Variants in PCMT1 observed in about 807,000 individuals in gnomAD.
PCMT1 encodes protein-L-isoaspartate(D-aspartate) O-methyltransferase.
PCMT1 carries 9 observed loss-of-function variants against 29.2 expected under a neutral mutation model. That is an observed-to-expected ratio of 0.31 (90% CI 0.19 to 0.54). The LOEUF is 0.54. PCMT1 is among the 20% of genes least tolerant of loss of function. PCMT1 has a pLI of 0.95. For missense variants in PCMT1, 184 were observed against 282.2 expected, an observed-to-expected ratio of 0.65 and a Z score of 2.49; for synonymous variants, 98 against 97.5, an observed-to-expected ratio of 1.00 and a Z score of -0.03.
At chr6:149,756,282 T>TC (rs201416855) in intron 1 of PCMT1, among the ~76,000 whole-genome samples, 47 of 92,398 alleles carry the variant, frequency 5.1e-4, no homozygotes, top group Admixed American at 2.4e-4. Context: ...AATGAAATTA[T>TC]TTTCTATCTA....
intron 3 of PCMT1, 24 bp from the exon 4 acceptor site, chr6:149,789,930 G>A (rs1466569273): frequency 2.0e-6 from 3 of 1,501,332 alleles, no homozygotes; most frequent in East Asian, 2.3e-5. Context: ...TAGTCTTAAT[G>A]AATATTTTGT....
chr6:149,749,705 A>G, upstream of PCMT1: 1 of 1,510,998 alleles, frequency 6.6e-7, no homozygotes, highest in Non-Finnish European at 8.9e-7. Flanking sequence ...GCGGCGTCAC[A>G]GAGCGCATGC....
rs1478276266 is a variant in PCMT1, at chr6:149,805,420, C to T, written c.*37+3004C>T. On this transcript the variant is annotated intron_variant, in intron 7 of 7. Transcript: ENST00000464889. ...CATCCTGGGTAACATGGCGAAACCCCGTCTCTCCTAAAAATACAAAAAAAT... is the reference window on the plus strand; with the variant it reads ...CATCCTGGGTAACATGGCGAAACCCTGTCTCTCCTAAAAATACAAAAAAAT... Among the ~76,000 whole-genome samples the T allele has an allele frequency of 2.7e-5, 4 of 150,498 alleles. No homozygotes were observed. The East Asian group carries it at 7.9e-4, about 30-fold the overall frequency.
intron 7 of PCMT1, among the ~76,000 whole-genome samples, chr6:149,803,066 A>AC (rs1218163093): frequency 6.6e-6 from 1 of 150,486 alleles, no homozygotes; most frequent in Non-Finnish European, 1.5e-5. Context: ...AAAAAAAAAA[A>AC]AAAAAAAAAA....
intron 1 of PCMT1, among the ~76,000 whole-genome samples, chr6:149,765,229 G>C (rs1366307694): frequency 6.7e-6 from 1 of 148,936 alleles, no homozygotes; most frequent in Non-Finnish European, 1.5e-5. Flanking sequence ...GTGTGGTGGC[G>C]GGTGCCTGTA....
intron 3 of PCMT1, among the ~76,000 whole-genome samples, chr6:149,780,851 G>A (rs752694407): frequency 1.3e-5 from 2 of 151,920 alleles, no homozygotes; most frequent in Admixed American, 6.6e-5. Flanking sequence ...CATTTCTCTC[G>A]AGTATTTACC....
intron 6 of PCMT1, 200 bp downstream of exon 6, chr6:149,796,700 T>C (rs919901552): frequency 3.1e-5 from 14 of 446,736 alleles, no homozygotes; most frequent in African/African-American, 2.4e-4. Context: ...AAACCCCAGT[T>C]TGTGGCGCTC....
intron 4 of PCMT1, among the ~76,000 whole-genome samples, chr6:149,791,479 C>T (rs1180605760): frequency 6.6e-6 from 1 of 152,094 alleles, no homozygotes; most frequent in African/African-American, 2.4e-5. Flanking sequence ...AAATATCGTG[C>T]CTGGAGGACA....
intron 6 of PCMT1, among the ~76,000 whole-genome samples, chr6:149,800,526 T>C (rs372375357): frequency 6.6e-6 from 1 of 152,104 alleles, no homozygotes; most frequent in East Asian, 1.9e-4. Flanking sequence ...GAGTAAGGTT[T>C]CTTCTTTAAT....
chr6:149,780,781 T>C (rs1486359968), intron 3 of PCMT1, among the ~76,000 whole-genome samples: 1 of 152,220 alleles, frequency 6.6e-6, no homozygotes, highest in East Asian at 1.9e-4. Context: ...TTGTTTCCAG[T>C]GTTTGGCTAT....
Position 149,790,063 on chromosome 6 carries a change from G to T in PCMT1, c.297+5G>T. ...ACTGCATGTTTTGCACGTATGGTAA[G>T]AGTTTTATTTCTCACTCTGGCCCCA... On this transcript the variant is annotated splice_donor_5th_base_variant and intron_variant, in intron 4 of 7. Coordinates refer to ENST00000464889, the MANE Select transcript of PCMT1 (RefSeq NM_001360452.2). 1 of 1,553,340 alleles carries T rather than the reference G, an allele frequency of 6.4e-7. No individual in the cohort carries two copies. The highest frequency in any genetic ancestry group is 8.8e-7 in the Non-Finnish European group (1 of 1,132,350).
intron 1 of PCMT1, among the ~76,000 whole-genome samples, chr6:149,751,035 G>A: frequency 6.6e-6 from 1 of 151,784 alleles, no homozygotes; most frequent in East Asian, 1.9e-4. Flanking sequence ...AATTTTTTTT[G>A]GCCGGGCTCA....
intron 5 of PCMT1, chr6:149,794,990 C>T (rs1788540549): frequency 1.6e-5 from 6 of 368,868 alleles, no homozygotes; most frequent in East Asian, 8.5e-5. Context: ...GTCAGGAGTT[C>T]GAGACCAGCC....
rs185423405 is a variant in PCMT1 at position 149,788,164 on chromosome 6, C to T, written c.193-1790C>T. On this transcript the variant is annotated intron_variant, in intron 3 of 7. Coordinates refer to ENST00000464889, the MANE Select transcript of PCMT1 (RefSeq NM_001360452.2). Reference sequence around the variant, plus strand: ...GATCTCCTGACCTCGTGATCCGCCTCGGCCTCCCAAAGTGCTGGGATTACA... The same window carrying T: ...GATCTCCTGACCTCGTGATCCGCCTTGGCCTCCCAAAGTGCTGGGATTACA... Among the ~76,000 whole-genome samples, 868 of 152,176 alleles carry T rather than the reference C, an allele frequency of 5.7e-3. 14 individuals carry two copies. Among genetic ancestry groups the T allele is most frequent in the African/African-American group, 0.02 (822 of 41,522 alleles).
intron 1 of PCMT1, among the ~76,000 whole-genome samples, chr6:149,751,405 G>T (rs968727127): frequency 6.6e-6 from 1 of 151,162 alleles, no homozygotes; most frequent in African/African-American, 2.4e-5. Flanking sequence ...TCCGTTATAT[G>T]CCTAAATCTG....
chr6:149,786,958 G>A (rs887850925), intron 3 of PCMT1, among the ~76,000 whole-genome samples: 1 of 134,770 alleles, frequency 7.4e-6, no homozygotes, highest in Non-Finnish European at 1.5e-5. Context: ...AGCTAGCCGA[G>A]ATCACGCCAC....
intron 2 of PCMT1, chr6:149,772,457 C>T (rs936941591): frequency 5.1e-6 from 2 of 392,718 alleles, no homozygotes; most frequent in South Asian, 1.9e-5. Context: ...CTTTGTATAC[C>T]TATTACATAT....
Position 149,786,271 on chromosome 6 carries a change from AC to A in PCMT1, c.193-3675del, listed in dbSNP as rs1166671557. On this transcript the variant is annotated intron_variant, in intron 3 of 7. Coordinates refer to ENST00000464889, the MANE Select transcript of PCMT1 (RefSeq NM_001360452.2). ...GGCGGCTGGCCGGGCGGGGGTGCTG[AC>A]CCCCCCCACCTCCCTCCAGGACGGG... Among the ~76,000 whole-genome samples, 270 of 35,320 alleles carry A rather than the reference AC, an allele frequency of 7.6e-3. 132 individuals carry two copies. The East Asian group carries it at 0.14, about 19-fold the overall frequency. 23.2% of individuals were successfully genotyped at this position (35,320 alleles called of 152,430 possible).
intron 4 of PCMT1, among the ~76,000 whole-genome samples, chr6:149,790,873 G>A (rs550052440): frequency 6.5e-4 from 99 of 152,262 alleles, no homozygotes; most frequent in African/African-American, 2.0e-3. Flanking sequence ...GCCAGGCATG[G>A]TGGAGCACCT....
Sources: gnomAD v4.1 joint callset for allele counts (sites outside exome capture counted in the v4.1 genomes callset) on GRCh38, gnomAD v4.1.1 for gene constraint, MANE v1.5 for transcripts, NCBI Gene and HGNC (gene_info 2026-07-23, HGNC 2026-07-21) for gene names.